Variants in AFF2 observed in about 807,000 individuals in gnomAD.
The protein encoded by AFF2 is ALF transcription elongation factor 2.
In AFF2, 14 loss-of-function variants were observed where a neutral mutation model predicts 76.9. The ratio of observed to expected loss-of-function variants is 0.18; its 90% CI spans 0.12 to 0.28. The LOEUF is 0.28. AFF2 is among the 10% of genes least tolerant of loss of function. The probability of loss-of-function intolerance (pLI) is 1.00; values close to 1 mark genes in which losing one functional copy is unlikely to be tolerated. For synonymous variants in AFF2, 398 were observed against 366.7 expected, an observed-to-expected ratio of 1.09 and a Z score of -0.98; for missense variants, 868 against 1,001.1, an observed-to-expected ratio of 0.87 and a Z score of 1.79.
chrX:148,774,039 A>G (rs2124603963), intron 3 of AFF2, among the ~76,000 whole-genome samples: 1 of 111,539 alleles, frequency 9.0e-6, no homozygotes, highest in African/African-American at 3.3e-5. Context: ...GCTCATCTTG[A>G]GTTATTACAA....
chrX:148,805,130 C>G (rs1169875179), intron 3 of AFF2, among the ~76,000 whole-genome samples: 1 of 111,790 alleles, frequency 8.9e-6, no homozygotes, highest in Non-Finnish European at 1.9e-5. Context: ...ATAAATCAAT[C>G]ATGGGGATAA....
At chrX:148,509,820 G>T (rs1386632324) in intron 1 of AFF2, among the ~76,000 whole-genome samples, 2 of 111,994 alleles carry the variant, frequency 1.8e-5, no homozygotes, top group Non-Finnish European at 3.8e-5. Context: ...GAATTGTGTT[G>T]ACATCTGTGT....
At chrX:148,901,269 A>G (rs1431477621) in intron 8 of AFF2, among the ~76,000 whole-genome samples, 1 of 111,546 alleles carries the variant, frequency 9.0e-6, no homozygotes, top group African/African-American at 3.3e-5. Context: ...ACTGGAGTAC[A>G]TTCTCTAACA....
intron 9 of AFF2, among the ~76,000 whole-genome samples, chrX:148,908,801 T>A (rs1296136492): frequency 8.9e-6 from 1 of 112,386 alleles, no homozygotes; most frequent in Non-Finnish European, 1.9e-5. Context: ...TTTCTTGACA[T>A]GTGAAAATTA....
intron 18 of AFF2, among the ~76,000 whole-genome samples, 185 bp downstream of exon 18, chrX:148,978,640 G>C (rs2072355648): frequency 8.9e-6 from 1 of 112,333 alleles, no homozygotes; most frequent in Non-Finnish European, 1.9e-5. Flanking sequence ...GTTCCAGGGA[G>C]AGAAGGCACG....
At chrX:148,600,551 A>G (rs1354568894) in intron 1 of AFF2, among the ~76,000 whole-genome samples, 5 of 112,387 alleles carry the variant, frequency 4.4e-5, no homozygotes, top group Admixed American at 1.9e-4. Flanking sequence ...GCTTCAGTTC[A>G]GCAGTACTTA....
At chrX:148,625,983 C>T (rs1218061693) in intron 1 of AFF2, among the ~76,000 whole-genome samples, 3 of 111,926 alleles carry the variant, frequency 2.7e-5, no homozygotes, top group Non-Finnish European at 5.6e-5. Flanking sequence ...TATTAATGAA[C>T]CCTGATCATT....
At chrX:148,717,872 C>T (rs2055044786) in intron 3 of AFF2, among the ~76,000 whole-genome samples, 1 of 111,227 alleles carries the variant, frequency 9.0e-6, no homozygotes, top group South Asian at 3.8e-4. Flanking sequence ...TAGTTACCTG[C>T]CCAAAGTTGC....
intron 9 of AFF2, among the ~76,000 whole-genome samples, chrX:148,931,219 A>T (rs1366313817): frequency 4.5e-5 from 4 of 88,195 alleles, no homozygotes; most frequent in African/African-American, 1.7e-4. Flanking sequence ...ACGCCACTGC[A>T]CTCCAGCCTG....
At chrX:148,789,793 T>C (rs1456618368) in intron 3 of AFF2, among the ~76,000 whole-genome samples, 1 of 111,837 alleles carries the variant, frequency 8.9e-6, no homozygotes, top group East Asian at 2.8e-4. Context: ...TGTTAATCGG[T>C]ATAATCAATA....
intron 3 of AFF2, among the ~76,000 whole-genome samples, chrX:148,677,614 A>G (rs1367207130): frequency 1.8e-5 from 2 of 112,588 alleles, no homozygotes; most frequent in Non-Finnish European, 3.8e-5. Flanking sequence ...TTGAAGTCAA[A>G]TGAACACATT....
In AFF2 at chrX:148,953,694, C is replaced by G; in HGVS notation, c.1512C>G (p.Thr504=). The G allele has an allele frequency of 1.7e-6, 2 of 1,210,812 alleles. No individual in the cohort carries two copies. Among genetic ancestry groups the G allele is most frequent in the Non-Finnish European group, 2.2e-6 (2 of 895,169 alleles). The stretch of plus-strand genomic sequence containing the variant: ...CGGATTCAGACACTGAAAGTAGCAC[C>G]ACTGACAGCGAATCTAATGAGGCAC... ...SESDSDTESS[T]TDSESNEAPR... is the part of the protein sequence containing the mutation. The change falls in exon 10 of 21, where the codon ACC becomes ACG. Residue 504 remains threonine (T), a synonymous_variant. Transcript: ENST00000370460.
At chrX:148,744,220 A>G (rs1201681178) in intron 3 of AFF2, among the ~76,000 whole-genome samples, 1 of 111,581 alleles carries the variant, frequency 9.0e-6, no homozygotes, top group African/African-American at 3.3e-5. Context: ...CCTGAGTCTC[A>G]GCACGGTTAA....
intron 1 of AFF2, among the ~76,000 whole-genome samples, chrX:148,570,589 C>T (rs945573681): frequency 2.7e-5 from 3 of 111,675 alleles, no homozygotes; most frequent in East Asian, 2.8e-4. Context: ...GACGTTCTCC[C>T]TTTGCATAGG....
At chrX:148,812,286 AT>A (rs1280386946) in intron 4 of AFF2, among the ~76,000 whole-genome samples, 2 of 110,823 alleles carry the variant, frequency 1.8e-5, no homozygotes, top group African/African-American at 6.6e-5. Flanking sequence ...GGAAAAGTAC[AT>A]TTTATCTTTC....
At chrX:148,636,449 G>A (rs1277591170) in intron 1 of AFF2, among the ~76,000 whole-genome samples, 1 of 111,963 alleles carries the variant, frequency 8.9e-6, no homozygotes, top group Non-Finnish European at 1.9e-5. Flanking sequence ...CACACTGAGT[G>A]CTGAGGAACA....
chrX:148,973,742 C>A, intron 16 of AFF2, 135 bp downstream of exon 16: 1 of 657,385 alleles, frequency 1.5e-6, no homozygotes, highest in Non-Finnish European at 2.1e-6. Context: ...ATAATTAGTT[C>A]TTGCCATTTT....
intron 3 of AFF2, among the ~76,000 whole-genome samples, chrX:148,725,489 T>C (rs1557264174): frequency 9.0e-6 from 1 of 111,588 alleles, no homozygotes; most frequent in East Asian, 2.8e-4. Context: ...AAAAGGCACT[T>C]CCTCCAACTT....
chrX:148,523,431 A>C (rs1264971405), intron 1 of AFF2, among the ~76,000 whole-genome samples: 3 of 112,177 alleles, frequency 2.7e-5, no homozygotes, highest in Non-Finnish European at 5.6e-5. Context: ...AAAGTTTGTT[A>C]ATCTATTTTC....
Sources: gnomAD v4.1 joint callset for allele counts (sites outside exome capture counted in the v4.1 genomes callset) on GRCh38, gnomAD v4.1.1 for gene constraint, MANE v1.5 for transcripts, NCBI Gene and HGNC (gene_info 2026-07-23, HGNC 2026-07-21) for gene names.